Variants in SARNP observed in about 807,000 individuals in gnomAD.
SARNP encodes SAP domain containing ribonucleoprotein.
SARNP carries 5 observed loss-of-function variants against 38.1 expected under a neutral mutation model. That is an observed-to-expected ratio of 0.13 (90% confidence interval 0.07 to 0.28). The LOEUF is 0.28. SARNP is among the 10% of genes least tolerant of loss of function. The probability of loss-of-function intolerance (pLI) is 1.00; values close to 1 mark genes in which losing one functional copy is unlikely to be tolerated. For synonymous variants in SARNP, 84 were observed against 80.6 expected (o/e 1.04, Z -0.23); for missense variants, 180 against 243.9 (o/e 0.74, Z 1.75).
intron 9 of SARNP, among the ~76,000 whole-genome samples, chr12:55,779,606 GC>G (rs959862847): frequency 2.0e-5 from 3 of 151,920 alleles, no homozygotes; most frequent in Non-Finnish European, 2.9e-5. Flanking sequence ...CCTATGCATG[GC>G]CCCATCATTC....
In SARNP at chr12:55,806,447, G is replaced by T. The variant is rs532314374; in HGVS notation, c.37-2719C>A. On this transcript the variant is annotated intron_variant, in intron 1 of 10. Coordinates refer to ENST00000336133, the MANE Select transcript of SARNP (RefSeq NM_033082.4). ...GTGCCACCATGCCTGGCTAATTTTTGTATTTTTACTAGAAGCAGGGTTTTA... is the reference window on the plus strand; with the variant it reads ...GTGCCACCATGCCTGGCTAATTTTTTTATTTTTACTAGAAGCAGGGTTTTA... 7.9e-5 allele frequency among the ~76,000 whole-genome samples: 12 copies of T among 151,808 alleles called. 1 individual carries two copies. In the South Asian group the frequency reaches 2.3e-3, roughly 29 times the overall value.
chr12:55,770,394 GTT>G (rs1157595075), intron 9 of SARNP, among the ~76,000 whole-genome samples: 2 of 133,300 alleles, frequency 1.5e-5, no homozygotes, highest in East Asian at 2.2e-4. Flanking sequence ...GCCCAGCTAG[GTT>G]TTTTTTTTTT....
intron 1 of SARNP, among the ~76,000 whole-genome samples, chr12:55,809,759 AAAAG>A (rs1410194689): frequency 9.9e-5 from 15 of 151,810 alleles, no homozygotes; most frequent in Admixed American, 8.5e-4. Context: ...ACAAAAAAAA[AAAAG>A]AAAAGAGTTA....
intron 1 of SARNP, among the ~76,000 whole-genome samples, chr12:55,805,842 C>T (rs1056573651): frequency 5.3e-5 from 8 of 151,556 alleles, no homozygotes; most frequent in African/African-American, 1.9e-4. Context: ...GTGAGACTGT[C>T]TCAAAAAAAT....
At chr12:55,770,877 C>T (rs566949384) in intron 9 of SARNP, among the ~76,000 whole-genome samples, 1 of 151,972 alleles carries the variant, frequency 6.6e-6, no homozygotes, top group African/African-American at 2.4e-5. Flanking sequence ...AAAAGGGGTC[C>T]AATTTGATGT....
At chr12:55,801,706 C>T (rs557138109) in intron 2 of SARNP, among the ~76,000 whole-genome samples, 2 of 152,162 alleles carry the variant, frequency 1.3e-5, no homozygotes, top group African/African-American at 2.4e-5. Flanking sequence ...CAGCCTCCCC[C>T]TCCTGGGCTC....
intron 5 of SARNP, 88 bp downstream of exon 5, chr12:55,795,936 AT>A (rs1267975737): frequency 1.3e-5 from 12 of 936,454 alleles, no homozygotes; most frequent in Non-Finnish European, 1.8e-5. Flanking sequence ...CTGCCTGTGA[AT>A]AAATTTTAGA....
At chr12:55,799,063 C>T (rs1290690709) in intron 4 of SARNP, among the ~76,000 whole-genome samples, 1 of 152,082 alleles carries the variant, frequency 6.6e-6, no homozygotes, top group African/African-American at 2.4e-5. Context: ...TGTGTGTATA[C>T]GTGTATCTAT....
chr12:55,759,528 G>A (rs897472777), intron 10 of SARNP, among the ~76,000 whole-genome samples: 8 of 150,552 alleles, frequency 5.3e-5, no homozygotes, highest in African/African-American at 2.0e-4. Context: ...CTCATGCCTC[G>A]GTCTCCAGAG....
chr12:55,760,699 G>GA, intron 9 of SARNP, 59 bp from the exon 10 acceptor site: 8 of 1,135,726 alleles, frequency 7.0e-6, no homozygotes, highest in Non-Finnish European at 9.4e-6. Context: ...CAAGTAAATG[G>GA]GAATGAAATG....
intron 9 of SARNP, among the ~76,000 whole-genome samples, chr12:55,770,489 T>G (rs1878975589): frequency 6.6e-6 from 1 of 150,990 alleles, no homozygotes; most frequent in Non-Finnish European, 1.5e-5. Flanking sequence ...TCCGCCTGCC[T>G]CAGTCTCCCA....
chr12:55,806,112 A>C (rs1296151209), intron 1 of SARNP, among the ~76,000 whole-genome samples: 1 of 151,786 alleles, frequency 6.6e-6, no homozygotes, highest in Non-Finnish European at 1.5e-5. Flanking sequence ...ACTGGAGAGC[A>C]TAGCCTCTGA....
Position 55,800,571 on chromosome 12 carries a change from G to T in SARNP, c.242C>A (p.Thr81Asn). The change falls in exon 4 of 11, where the codon ACT (threonine) becomes AAT (asparagine). Residue 81 changes from threonine to asparagine, a missense_variant. Physicochemically the swap from Thr to Asn is moderately conservative, Grantham distance 65. Transcript: ENST00000336133. The stretch of plus-strand genomic sequence containing the variant: ...AAAAAGGGATAATTACACATCAACA[G>T]TTTTTTCAGGGGGTTCTTCCTCTTT... ...PVKEEEPPEK[T>N]VDVAAEKKVV... is the part of the protein sequence containing the mutation. The T allele has an allele frequency of 6.2e-7, 1 of 1,608,856 alleles. No homozygotes were observed. The highest frequency in any genetic ancestry group is 8.5e-7 in the Non-Finnish European group (1 of 1,176,790).
chr12:55,796,435 T>C (rs1879822602), intron 4 of SARNP, among the ~76,000 whole-genome samples: 1 of 152,198 alleles, frequency 6.6e-6, no homozygotes, highest in Non-Finnish European at 1.5e-5. Flanking sequence ...GGAGTTTTGC[T>C]CTTGTCGCCC....
intron 9 of SARNP, among the ~76,000 whole-genome samples, chr12:55,763,781 A>G (rs1878746485): frequency 6.6e-6 from 1 of 152,142 alleles, no homozygotes; most frequent in African/African-American, 2.4e-5. Context: ...AATCCTATGG[A>G]GTAGGCACAG....
intron 10 of SARNP, among the ~76,000 whole-genome samples, chr12:55,759,275 C>T (rs1354822317): frequency 6.6e-6 from 1 of 152,114 alleles, no homozygotes; most frequent in Non-Finnish European, 1.5e-5. Flanking sequence ...TATTTTAAAA[C>T]TATCCCTTTT....
At chr12:55,806,353 C>T (rs1322878736) in intron 1 of SARNP, among the ~76,000 whole-genome samples, 1 of 151,454 alleles carries the variant, frequency 6.6e-6, no homozygotes, top group Non-Finnish European at 1.5e-5. Context: ...CGGCTCACTG[C>T]AACCTCTGCG....
At chr12:55,768,629 A>C (rs1456212012) in intron 9 of SARNP, among the ~76,000 whole-genome samples, 1 of 145,870 alleles carries the variant, frequency 6.9e-6, no homozygotes, top group Non-Finnish European at 1.5e-5. Flanking sequence ...GGTTTCACCA[A>C]GTCAGCCAGG....
chr12:55,804,978 C>T (rs1006937432), intron 1 of SARNP, among the ~76,000 whole-genome samples: 5 of 152,128 alleles, frequency 3.3e-5, no homozygotes, highest in African/African-American at 1.2e-4. Context: ...AAACATATCA[C>T]AATGGCCGGG....
Sources: allele counts gnomAD v4.1 joint callset (sites outside exome capture counted in the v4.1 genomes callset), GRCh38; gene constraint gnomAD v4.1.1; transcripts MANE v1.5; gene names NCBI Gene and HGNC (gene_info 2026-07-23, HGNC 2026-07-21).